Variants in COL24A1 observed in about 807,000 individuals in gnomAD.
The protein encoded by COL24A1 is collagen type XXIV alpha 1 chain.
COL24A1 carries 224 observed loss-of-function variants against 253.9 expected under a neutral mutation model. The observed-to-expected ratio is 0.88, with a 90% CI of 0.79 to 0.99. COL24A1 has a LOEUF of 0.99. Among genes scored for constraint, COL24A1 ranks in the 50% least tolerant of loss-of-function variants. The probability of loss-of-function intolerance (pLI) is 0.00; values close to 1 mark genes in which losing one functional copy is unlikely to be tolerated. For missense variants in COL24A1, 2,131 were observed against 2,068.5 expected (o/e 1.03, Z -0.59); for synonymous variants, 685 against 673.7 (o/e 1.02, Z -0.26).
At chr1:85,800,369 A>C (rs1671300812) in intron 47 of COL24A1, among the ~76,000 whole-genome samples, 1 of 152,064 alleles carries the variant, frequency 6.6e-6, no homozygotes, top group Non-Finnish European at 1.5e-5. Context: ...CCTGCCCCCA[A>C]CCTGACAAGA....
chr1:85,789,853 T>A (rs1315706198), intron 47 of COL24A1, among the ~76,000 whole-genome samples: 1 of 152,178 alleles, frequency 6.6e-6, no homozygotes, highest in Non-Finnish European at 1.5e-5. Flanking sequence ...TGAATTACAT[T>A]TATTGATTTG....
rs1305283563 is a variant in COL24A1, at chr1:85,823,583, G to A, written c.3742C>T (p.Pro1248Ser). 6.2e-7 allele frequency: 1 copy of A among 1,613,900 alleles called. No individual in the cohort carries two copies. The highest frequency in any genetic ancestry group is 1.1e-5 in the South Asian group (1 of 91,064). The change falls in exon 45 of 60, where the codon CCA becomes TCA. Residue 1248 changes from proline to serine, a missense_variant. Physicochemically the swap from Pro to Ser is moderately conservative, Grantham distance 74 (BLOSUM62 -1). Coordinates refer to ENST00000370571, the MANE Select transcript of COL24A1 (RefSeq NM_152890.7). Reference protein sequence around the residue: ...ATGQQGPPGEPGDQGEQGLKG... With the variant: ...ATGQQGPPGESGDQGEQGLKG... ...AGTCCTTGTTCACCCTGGTCACCTGGTTCGCCCTTTAGTAGAAACCAAAAT... is the reference window on the plus strand; with the variant it reads ...AGTCCTTGTTCACCCTGGTCACCTGATTCGCCCTTTAGTAGAAACCAAAAT...
rs897307454 is a variant in COL24A1, at chr1:85,831,448, C to T, written c.3681+7137G>A. Reference sequence around the variant, plus strand: ...CCTCTCCTGGCTTTGTGAAGTATGACTGTAAATCTCACCAAGACAAACCTG... The same window carrying T: ...CCTCTCCTGGCTTTGTGAAGTATGATTGTAAATCTCACCAAGACAAACCTG... On this transcript the variant is annotated intron_variant, in intron 43 of 59. Coordinates refer to ENST00000370571, the MANE Select transcript of COL24A1 (RefSeq NM_152890.7). Among the ~76,000 whole-genome samples the T allele has an allele frequency of 2.0e-5, 3 of 152,056 alleles. 1 individual carries two copies. Among genetic ancestry groups the T allele is most frequent in the Non-Finnish European group, 4.4e-5 (3 of 68,016 alleles).
chr1:86,106,136 C>A (rs1267770200), intron 5 of COL24A1, among the ~76,000 whole-genome samples: 1 of 152,050 alleles, frequency 6.6e-6, no homozygotes, highest in Non-Finnish European at 1.5e-5. Flanking sequence ...CTACAAAATT[C>A]TTCTTGTGGG....
At chr1:86,042,106 T>C (rs1478666269) in intron 12 of COL24A1, among the ~76,000 whole-genome samples, 1 of 152,132 alleles carries the variant, frequency 6.6e-6, no homozygotes, top group Non-Finnish European at 1.5e-5. Flanking sequence ...AGCATGAGTA[T>C]ACACATACAT....
intron 57 of COL24A1, among the ~76,000 whole-genome samples, chr1:85,740,333 T>A (rs540390188): frequency 2.0e-5 from 3 of 152,332 alleles, no homozygotes; most frequent in South Asian, 4.1e-4. Context: ...TATCCTCAAC[T>A]GATAAGCTTC....
chr1:86,076,486 A>G (rs1702255937), intron 7 of COL24A1, among the ~76,000 whole-genome samples: 2 of 152,254 alleles, frequency 1.3e-5, no homozygotes, highest in African/African-American at 4.8e-5. Flanking sequence ...TATAGATTCA[A>G]TGCTATCCCC....
At chr1:86,067,195 G>T (rs1372515847) in intron 7 of COL24A1, among the ~76,000 whole-genome samples, 1 of 151,780 alleles carries the variant, frequency 6.6e-6, no homozygotes, top group Non-Finnish European at 1.5e-5. Context: ...TAGGAAGGAA[G>T]AATTCACGTA....
At chr1:86,132,669 C>T (rs1374922377) in intron 2 of COL24A1, among the ~76,000 whole-genome samples, 3 of 151,946 alleles carry the variant, frequency 2.0e-5, no homozygotes, top group Non-Finnish European at 4.4e-5. Flanking sequence ...AAAGATCAGA[C>T]AGTTGTAGAT....
intron 14 of COL24A1, among the ~76,000 whole-genome samples, chr1:86,023,834 TCTGTGTCA>T (rs1697775554): frequency 6.6e-6 from 1 of 152,162 alleles, no homozygotes; most frequent in African/African-American, 2.4e-5. Flanking sequence ...AGTTATAATT[TCTGTGTCA>T]CTGAGGTCTC....
At chr1:85,754,657 C>G (rs142130055) in intron 55 of COL24A1, among the ~76,000 whole-genome samples, 2 of 149,690 alleles carry the variant, frequency 1.3e-5, no homozygotes, top group African/African-American at 4.9e-5. Context: ...AATAGAAATT[C>G]TGAAGTTAAA....
intron 19 of COL24A1, among the ~76,000 whole-genome samples, chr1:85,994,358 T>C (rs926152160): frequency 6.1e-5 from 9 of 147,502 alleles, no homozygotes; most frequent in African/African-American, 2.3e-4. Context: ...AAATTAAAAA[T>C]AAATCCTATT....
rs372235716 is a variant in COL24A1, at chr1:85,764,141, T to C, written c.4375-2575A>G. On this transcript the variant is annotated intron_variant, in intron 53 of 59. Transcript: ENST00000370571. ...AGTTGCACAGAGCTTCCTTTTCTCATTTATAAACTGAGGAGCTTCCATTGT... is the reference window on the plus strand; with the variant it reads ...AGTTGCACAGAGCTTCCTTTTCTCACTTATAAACTGAGGAGCTTCCATTGT... Among the ~76,000 whole-genome samples the C allele has an allele frequency of 2.6e-5, 4 of 152,172 alleles. No homozygotes were observed. In the East Asian group the frequency reaches 5.8e-4, roughly 22 times the overall value.
chr1:86,056,117 CAA>C (rs10714167), intron 10 of COL24A1, among the ~76,000 whole-genome samples: 16,861 of 138,068 alleles, frequency 0.12, 1,024 homozygotes, highest in Middle Eastern at 0.21. Context: ...GACTCTGTTT[CAA>C]AAAAAAAAAA....
At chr1:86,017,412 A>G (rs1697103293) in intron 18 of COL24A1, among the ~76,000 whole-genome samples, 2 of 152,234 alleles carry the variant, frequency 1.3e-5, no homozygotes, top group African/African-American at 2.4e-5. Context: ...ACATTCACTC[A>G]AGTGTTAAGT....
intron 47 of COL24A1, among the ~76,000 whole-genome samples, chr1:85,807,592 GAAA>G (rs752100159): frequency 5.9e-5 from 9 of 152,102 alleles, no homozygotes; most frequent in Non-Finnish European, 1.3e-4. Flanking sequence ...TATACAGGTG[GAAA>G]AATTGTAGGT....
chr1:86,130,123 T>C (rs1235950374), intron 2 of COL24A1, among the ~76,000 whole-genome samples: 1 of 151,820 alleles, frequency 6.6e-6, no homozygotes, highest in East Asian at 1.9e-4. Flanking sequence ...CTATGTCTAG[T>C]TTATTGGGTT....
At chr1:86,011,037 T>A (rs648866) in intron 19 of COL24A1, among the ~76,000 whole-genome samples, 27,244 of 151,866 alleles carry the variant, frequency 0.18, 3,158 homozygotes, top group African/African-American at 0.32. Context: ...GACAGAAAGG[T>A]AGGGAGGGTA....
chr1:85,981,953 A>T (rs1246350736), intron 20 of COL24A1, among the ~76,000 whole-genome samples: 1 of 152,174 alleles, frequency 6.6e-6, no homozygotes, highest in African/African-American at 2.4e-5. Flanking sequence ...TGATATAAAC[A>T]GGATATTTGC....
Sources: gnomAD v4.1 joint callset for allele counts (sites outside exome capture counted in the v4.1 genomes callset) on GRCh38, gnomAD v4.1.1 for gene constraint, MANE v1.5 for transcripts, NCBI Gene and HGNC (gene_info 2026-07-23, HGNC 2026-07-21) for gene names.